Variants in SHANK2 observed in about 807,000 individuals in gnomAD.
SHANK2 encodes the protein SH3 and multiple ankyrin repeat domains protein 2.
Under a neutral mutation model 133.7 loss-of-function variants are expected in SHANK2, and 43 were observed. The observed-to-expected ratio is 0.32, with a 90% confidence interval of 0.25 to 0.41. The LOEUF (loss-of-function observed/expected upper bound fraction) is 0.41. SHANK2 is among the 10% of genes least tolerant of loss of function. The pLI is 1.00. For missense variants in SHANK2, 1,994 were observed against 2,235.8 expected (o/e 0.89, Z 2.18); for synonymous variants, 1,017 against 952.8 (o/e 1.07, Z -1.24).
At chr11:70,733,993 C>T (rs987016031) in intron 14 of SHANK2, among the ~76,000 whole-genome samples, 6 of 152,270 alleles carry the variant, frequency 3.9e-5, no homozygotes, top group East Asian at 1.9e-4. Flanking sequence ...TGTACTTGCT[C>T]GCGCACTCAC....
At chr11:70,952,505 G>A (rs35745928) in intron 10 of SHANK2, among the ~76,000 whole-genome samples, 152,119 of 152,320 alleles carry the variant, frequency 1, 75,960 homozygotes, top group Non-Finnish European at 1. Flanking sequence ...AAATAAATGG[G>A]ATTTTATCAA....
At chr11:71,088,911 C>T (rs993993590) in intron 8 of SHANK2, among the ~76,000 whole-genome samples, 18 of 147,400 alleles carry the variant, frequency 1.2e-4, no homozygotes, top group Non-Finnish European at 2.5e-4. Context: ...CACCACCCCA[C>T]CAGAGGCCTC....
At chr11:71,167,931 C>G (rs1400137088) in intron 2 of SHANK2, among the ~76,000 whole-genome samples, 2 of 146,980 alleles carry the variant, frequency 1.4e-5, no homozygotes, top group Non-Finnish European at 3.0e-5. Context: ...GGCTGACCCC[C>G]CTACCTCCCT....
At chr11:70,949,114 A>T (rs1471738611) in intron 10 of SHANK2, among the ~76,000 whole-genome samples, 2 of 152,192 alleles carry the variant, frequency 1.3e-5, no homozygotes, top group Non-Finnish European at 2.9e-5. Context: ...TTCTAAATAC[A>T]CTGGATAAAC....
chr11:70,691,966 T>C (rs1473057199), intron 15 of SHANK2, among the ~76,000 whole-genome samples: 1 of 152,176 alleles, frequency 6.6e-6, no homozygotes, highest in African/African-American at 2.4e-5. Context: ...AATAATCTCT[T>C]GCCCTGCCCC....
At chr11:70,643,346 G>A (rs953823000) in intron 17 of SHANK2, among the ~76,000 whole-genome samples, 2 of 152,052 alleles carry the variant, frequency 1.3e-5, no homozygotes, top group African/African-American at 4.8e-5. Context: ...GGCGGATCAC[G>A]AGGTCAGGAG....
chr11:70,588,107 T>C (rs1334410926), intron 17 of SHANK2, among the ~76,000 whole-genome samples: 2 of 152,192 alleles, frequency 1.3e-5, no homozygotes, highest in Non-Finnish European at 2.9e-5. Context: ...TTCTGACTGA[T>C]CTATCAACTG....
chr11:71,232,701 TTAAGA>T (rs1352898127), intron 1 of SHANK2, among the ~76,000 whole-genome samples: 3 of 152,270 alleles, frequency 2.0e-5, no homozygotes, highest in African/African-American at 7.2e-5. Context: ...TCTACCTTAT[TTAAGA>T]TAAGGTTATT....
intron 10 of SHANK2, among the ~76,000 whole-genome samples, chr11:70,916,111 C>T (rs7931710): frequency 1.5e-3 from 223 of 152,314 alleles, no homozygotes; most frequent in African/African-American, 5.1e-3. Context: ...GCAATTACCA[C>T]CTTCTTTCAG....
chr11:70,498,420 C>G (rs770019092), intron 21 of SHANK2, among the ~76,000 whole-genome samples: 2 of 152,188 alleles, frequency 1.3e-5, no homozygotes, highest in Non-Finnish European at 2.9e-5. Context: ...CCTGCAGGCT[C>G]TGAGTCACAC....
At chr11:71,189,833 A>G (rs1555115114) in intron 2 of SHANK2, among the ~76,000 whole-genome samples, 2 of 152,348 alleles carry the variant, frequency 1.3e-5, no homozygotes, top group Non-Finnish European at 1.5e-5. Context: ...GTGAATGAAC[A>G]CGGGAAAGGC....
chr11:70,473,625 C>A lies in SHANK2; in HGVS notation c.4980-186G>T. ...GGGGAGGGGGAGAAAGGGGCCAGAG[C>A]AAAGTTGGAGACACCAGAGCACACC... On this transcript the variant is annotated intron_variant, in intron 25 of 25. Transcript: ENST00000601538. This position sits in a 1 kb window ranked among gnomAD's most constrained non-coding sequence, Gnocchi z 5.9. The A allele has an allele frequency of 5.8e-6, 4 of 694,380 alleles. No individual in the cohort carries two copies. The highest frequency in any genetic ancestry group is 7.7e-6 in the Non-Finnish European group (3 of 387,660). 43.0% of individuals were successfully genotyped at this position (694,380 alleles called of 1,614,324 possible).
chr11:70,527,525 C>T (rs531195060), intron 17 of SHANK2, among the ~76,000 whole-genome samples: 1 of 152,204 alleles, frequency 6.6e-6, no homozygotes. Flanking sequence ...GCTCCTCACT[C>T]AGAAGGGCAG....
chr11:71,060,782 C>A (rs1271793442), intron 9 of SHANK2, among the ~76,000 whole-genome samples: 1 of 152,138 alleles, frequency 6.6e-6, no homozygotes, highest in Non-Finnish European at 1.5e-5. Context: ...CTGCTAGAAG[C>A]CCATGGTGTT....
chr11:70,764,314 C>A (rs949054437), intron 14 of SHANK2, among the ~76,000 whole-genome samples: 10 of 148,992 alleles, frequency 6.7e-5, no homozygotes, highest in Admixed American at 5.3e-4. Context: ...TCCTTTATCC[C>A]TCCCTCCTCC....
At chr11:70,912,112 A>C (rs7942505) in intron 10 of SHANK2, among the ~76,000 whole-genome samples, 5 of 114,988 alleles carry the variant, frequency 4.3e-5, no homozygotes, top group Non-Finnish European at 8.9e-5. Context: ...AAAAAAAAAA[A>C]AAAGAAAGAA....
At chr11:70,864,946 A>T (rs1949329225) in intron 11 of SHANK2, 1 of 152,422 alleles carries the variant, frequency 6.6e-6, no homozygotes, top group South Asian at 2.1e-4. Context: ...GGATGGCTTG[A>T]GCCCAGGAGT....
chr11:71,239,359 A>G (rs979762394), intron 1 of SHANK2, among the ~76,000 whole-genome samples: 21 of 152,330 alleles, frequency 1.4e-4, no homozygotes, highest in Admixed American at 1.2e-3. Flanking sequence ...GTCCTCCAAC[A>G]ATGTCTGCAG....
chr11:70,544,179 A>G (rs73522160), intron 17 of SHANK2, among the ~76,000 whole-genome samples: 28,322 of 152,040 alleles, frequency 0.19, 3,189 homozygotes, highest in African/African-American at 0.29. Context: ...TGACAGGCCC[A>G]GTTCAAATCT....
Sources: allele counts gnomAD v4.1 joint callset (sites outside exome capture counted in the v4.1 genomes callset), GRCh38; gene constraint gnomAD v4.1.1; non-coding constraint Gnocchi (gnomAD v3.1); transcripts MANE v1.5; gene names NCBI Gene and HGNC (gene_info 2026-07-23, HGNC 2026-07-21).